Variants in CERS6 observed in about 807,000 individuals in gnomAD.
CERS6 encodes ceramide synthase 6.
In CERS6, 26 loss-of-function variants were observed where a neutral mutation model predicts 56.8. The observed-to-expected ratio is 0.46, with a 90% CI of 0.34 to 0.63. The LOEUF is 0.63. Ranked by LOEUF, CERS6 falls within the 30% of genes least tolerant of loss-of-function variation. The pLI is 0.01. For missense variants in CERS6, 415 were observed against 467.5 expected (o/e 0.89, Z 1.04); for synonymous variants, 164 against 173.3 (o/e 0.95, Z 0.42).
At chr2:168,729,444 T>C (rs1683455313) in intron 8 of CERS6, among the ~76,000 whole-genome samples, 1 of 152,228 alleles carries the variant, frequency 6.6e-6, no homozygotes, top group Non-Finnish European at 1.5e-5. Context: ...GACTTTGGTC[T>C]TGGGTCTCTC....
chr2:168,630,576 T>C (rs987246971), intron 3 of CERS6, among the ~76,000 whole-genome samples: 3 of 152,150 alleles, frequency 2.0e-5, no homozygotes, highest in Admixed American at 2.0e-4. Context: ...TTTTAAAATA[T>C]TAACTCTTTT....
At chr2:168,713,300 T>G (rs1359330963) in intron 6 of CERS6, among the ~76,000 whole-genome samples, 1 of 152,182 alleles carries the variant, frequency 6.6e-6, no homozygotes, top group Non-Finnish European at 1.5e-5. Flanking sequence ...TTCATTTTCT[T>G]GCTGTCTCCC....
intron 3 of CERS6, among the ~76,000 whole-genome samples, chr2:168,576,467 G>A (rs57521564): frequency 0.08 from 12,123 of 152,186 alleles, 711 homozygotes; most frequent in African/African-American, 0.17. Context: ...GAAGGACACA[G>A]TAGACAAATT....
intron 8 of CERS6, among the ~76,000 whole-genome samples, chr2:168,754,396 T>C (rs1387560246): frequency 6.6e-6 from 1 of 152,220 alleles, no homozygotes; most frequent in Non-Finnish European, 1.5e-5. Flanking sequence ...AGATCACAGA[T>C]GAACCTATTA....
At chr2:168,622,288 A>G (rs576466651) in intron 3 of CERS6, among the ~76,000 whole-genome samples, 121 of 152,304 alleles carry the variant, frequency 7.9e-4, no homozygotes, top group African/African-American at 2.7e-3. Flanking sequence ...AAATCTAATA[A>G]TGTTTTAAGA....
chr2:168,529,144 A>G (rs1273629934), intron 1 of CERS6, among the ~76,000 whole-genome samples: 1 of 152,198 alleles, frequency 6.6e-6, no homozygotes, highest in Non-Finnish European at 1.5e-5. Flanking sequence ...TAGTTTGTTG[A>G]TGTTGAGAAT....
At chr2:168,514,477 G>T (rs147482422) in intron 1 of CERS6, among the ~76,000 whole-genome samples, 1,876 of 152,304 alleles carry the variant, frequency 0.012, 24 homozygotes, top group Middle Eastern at 0.024. Context: ...AGTCCTGGGG[G>T]ACCCCACCTT....
At chr2:168,550,479 AG>A (rs1198631993) in intron 2 of CERS6, among the ~76,000 whole-genome samples, 1 of 152,146 alleles carries the variant, frequency 6.6e-6, no homozygotes, top group Non-Finnish European at 1.5e-5. Flanking sequence ...TGCCTGGTCA[AG>A]GTGTTTTTTA....
chr2:168,501,900 T>C (rs923186671), intron 1 of CERS6, among the ~76,000 whole-genome samples: 1 of 152,162 alleles, frequency 6.6e-6, no homozygotes, highest in Non-Finnish European at 1.5e-5. Context: ...ACCTGTGGCT[T>C]ATTGGCAAGG....
intron 5 of CERS6, 140 bp downstream of exon 5, chr2:168,691,224 A>T (rs1288426734): frequency 2.8e-6 from 2 of 710,218 alleles, no homozygotes; most frequent in Non-Finnish European, 5.0e-6. Context: ...TGCTGGACAT[A>T]ATCTAGTGAG....
In CERS6 at chr2:168,715,077, G is replaced by C; in HGVS notation, c.686G>C (p.Arg229Pro). 2 of 1,612,648 alleles carry C rather than the reference G, an allele frequency of 1.2e-6. No homozygotes were observed. Among genetic ancestry groups the C allele is most frequent in the Non-Finnish European group, 1.7e-6 (2 of 1,179,246 alleles). Reference protein sequence around the residue: ...ITFSYVNNMARVGTLVLCLHD... With the variant: ...ITFSYVNNMAPVGTLVLCLHD... ...TTTTCATATGTCAACAATATGGCCC[G>C]AGTAGGAACGCTGGTCCTTTGTCTT... Residue 229 changes from arginine to proline, a missense_variant, in exon 7 of 10, where the codon CGA (arginine) becomes CCA (proline). By Grantham distance (103) the Arg-to-Pro change is moderately radical (BLOSUM62 -2). Coordinates refer to ENST00000305747, the MANE Select transcript of CERS6 (RefSeq NM_203463.3).
chr2:168,717,912 G>A lies in CERS6; in HGVS notation c.779G>A (p.Cys260Tyr). 4 of 1,613,760 alleles carry A rather than the reference G, an allele frequency of 2.5e-6. No individual in the cohort carries two copies. The highest frequency in any genetic ancestry group is 3.4e-6 in the Non-Finnish European group (4 of 1,179,786). ...MANYAKFQKM[C>Y]DLLFVMFAVV... is the part of the protein sequence containing the mutation. Reference sequence around the variant, plus strand: ...AATTATGCCAAGTTTCAGAAAATGTGTGATCTCCTGTTTGTTATGTTTGCC... The same window carrying A: ...AATTATGCCAAGTTTCAGAAAATGTATGATCTCCTGTTTGTTATGTTTGCC... The change falls in exon 8 of 10, where the codon TGT (cysteine) becomes TAT (tyrosine). Residue 260 changes from cysteine to tyrosine, a missense_variant. Transcript: ENST00000305747.
intron 3 of CERS6, among the ~76,000 whole-genome samples, chr2:168,601,138 G>A (rs576628035): frequency 6.6e-6 from 1 of 152,292 alleles, no homozygotes; most frequent in South Asian, 2.1e-4. Flanking sequence ...TTGGATAGAT[G>A]TGCACCATTT....
intron 4 of CERS6, among the ~76,000 whole-genome samples, chr2:168,685,945 G>A (rs1334016029): frequency 6.6e-6 from 1 of 151,500 alleles, no homozygotes; most frequent in East Asian, 1.9e-4. Flanking sequence ...GCCTGTCTTA[G>A]TGTTATTCAG....
chr2:168,489,207 T>C lies in CERS6; in HGVS notation c.170+32589T>C, dbSNP rs566840868. Among the ~76,000 whole-genome samples, 9 of 152,284 alleles carry C rather than the reference T, an allele frequency of 5.9e-5. No homozygotes were observed. The South Asian group carries it at 1.5e-3, about 25-fold the overall frequency. On this transcript the variant is annotated intron_variant, in intron 1 of 9. Coordinates refer to ENST00000305747, the MANE Select transcript of CERS6 (RefSeq NM_203463.3). ...GTTGGTGGATTTTTTTCCTTCAGCA[T>C]TTTAAAGATGTTTTTCTATTGATTT...
chr2:168,565,875 T>C (rs951372941), intron 3 of CERS6, among the ~76,000 whole-genome samples: 2 of 152,212 alleles, frequency 1.3e-5, no homozygotes, highest in African/African-American at 4.8e-5. Flanking sequence ...TGAGATGTCA[T>C]GTGAGACATT....
chr2:168,594,975 C>A (rs1683765238), intron 3 of CERS6, among the ~76,000 whole-genome samples: 1 of 152,142 alleles, frequency 6.6e-6, no homozygotes. Context: ...CACTTCCTTT[C>A]TTTGAGATTA....
chr2:168,484,412 C>T (rs60906992), intron 1 of CERS6, among the ~76,000 whole-genome samples: 11,900 of 151,540 alleles, frequency 0.079, 733 homozygotes, highest in African/African-American at 0.17. Flanking sequence ...AACTCCCGAC[C>T]TCAGGTGATC....
At chr2:168,744,649 G>A (rs746861768) in intron 8 of CERS6, among the ~76,000 whole-genome samples, 1 of 152,140 alleles carries the variant, frequency 6.6e-6, no homozygotes, top group Non-Finnish European at 1.5e-5. Flanking sequence ...TCAATAAAGT[G>A]GATAGAGGAG....
Sources: allele counts gnomAD v4.1 joint callset (sites outside exome capture counted in the v4.1 genomes callset), GRCh38; gene constraint gnomAD v4.1.1; transcripts MANE v1.5; gene names NCBI Gene and HGNC (gene_info 2026-07-23, HGNC 2026-07-21).